The following TFEC variants were observed in gnomAD, a reference collection of about 807,000 sequenced individuals.
TFEC encodes the protein transcription factor EC, also known as class E basic helix-loop-helix protein 34.
In TFEC, 31 loss-of-function variants were observed where a neutral mutation model predicts 41.6. The observed-to-expected ratio is 0.74, with a 90% CI of 0.56 to 1.01. The LOEUF (loss-of-function observed/expected upper bound fraction) is 1.01. TFEC is among the 50% of genes least tolerant of loss of function. The pLI is 0.00. For missense variants in TFEC, 402 were observed against 404.1 expected (o/e 0.99, Z 0.04); for synonymous variants, 143 against 140.6 (o/e 1.02, Z -0.12).
At chr7:116,119,106 T>G (rs1798054073) in intron 1 of TFEC, among the ~76,000 whole-genome samples, 1 of 151,904 alleles carries the variant, frequency 6.6e-6, no homozygotes, top group Admixed American at 6.6e-5. Context: ...CTACCACACA[T>G]TAAGCACTTT....
intron 1 of TFEC, 51 bp downstream of exon 1, chr7:116,030,582 T>A (rs1467309091): frequency 1.3e-5 from 13 of 968,446 alleles, no homozygotes; most frequent in Non-Finnish European, 6.1e-6. Context: ...TAGTTTGTCT[T>A]CCTAGTTTGT....
chr7:116,057,235 GA>G (rs142291766), intron 3 of TFEC, among the ~76,000 whole-genome samples: 3,048 of 152,036 alleles, frequency 0.02, 91 homozygotes, highest in African/African-American at 0.068. Context: ...AAGGGGAACA[GA>G]AAAAAATTGA....
At chr7:116,151,782 T>C (rs1798767325) in intron 1 of TFEC, among the ~76,000 whole-genome samples, 1 of 152,148 alleles carries the variant, frequency 6.6e-6, no homozygotes, top group Non-Finnish European at 1.5e-5. Flanking sequence ...TCAGATAATA[T>C]GAAGTGACAG....
chr7:115,973,642 G>A (rs1349457205), intron 3 of TFEC, among the ~76,000 whole-genome samples: 1 of 151,970 alleles, frequency 6.6e-6, no homozygotes, highest in African/African-American at 2.4e-5. Flanking sequence ...CAACATAGAA[G>A]TCTTTCTACA....
chr7:116,015,940 A>G (rs146694395), intron 1 of TFEC, among the ~76,000 whole-genome samples: 105 of 152,316 alleles, frequency 6.9e-4, no homozygotes, highest in African/African-American at 2.1e-3. Flanking sequence ...GCCAGTTTAG[A>G]AGCCACTGCA....
chr7:116,058,051 C>T (rs550231789), intron 3 of TFEC, among the ~76,000 whole-genome samples: 2 of 151,776 alleles, frequency 1.3e-5, no homozygotes, highest in South Asian at 2.1e-4. Context: ...TCACATTAAA[C>T]GTAAATTATC....
rs1207059742 is a variant in TFEC, at chr7:115,939,192, C to T, written c.*1359G>A. ...CTCATTAACTACCTTAGGAGTAAGA[C>T]CATATCTTTTTCAACTCTTCTACAT... On this transcript the variant is annotated 3_prime_UTR_variant, in exon 8 of 8. Coordinates refer to ENST00000265440, the MANE Select transcript of TFEC (RefSeq NM_012252.4). The T allele has an allele frequency of 6.6e-6, 1 of 151,810 alleles. No individual in the cohort carries two copies. Among genetic ancestry groups the T allele is most frequent in the Non-Finnish European group, 1.5e-5 (1 of 67,918 alleles). The allele number at this position is 151,810 out of a possible 1,614,324, so 9.4% of individuals were successfully genotyped here.
At chr7:116,131,315 G>A (rs1798326655) in intron 1 of TFEC, among the ~76,000 whole-genome samples, 1 of 152,096 alleles carries the variant, frequency 6.6e-6, no homozygotes, top group Non-Finnish European at 1.5e-5. Flanking sequence ...TTTGAACAGG[G>A]CACAAAGACC....
chr7:116,084,525 A>G (rs2131067558), intron 3 of TFEC, among the ~76,000 whole-genome samples: 1 of 152,004 alleles, frequency 6.6e-6, no homozygotes, highest in East Asian at 1.9e-4. Flanking sequence ...TGAACAGAAA[A>G]GATGCAATTT....
chr7:116,076,588 A>G (rs904159959), intron 3 of TFEC, among the ~76,000 whole-genome samples: 32 of 152,100 alleles, frequency 2.1e-4, no homozygotes, highest in African/African-American at 6.8e-4. Context: ...AAGCTATCAC[A>G]ACTTCTGGAA....
In TFEC at chr7:116,127,285, C is replaced by CG. The variant is rs1228087546; in HGVS notation, c.-68-15248dup. Among the ~76,000 whole-genome samples the CG allele has an allele frequency of 2.6e-5, 4 of 151,996 alleles. No homozygotes were observed. In the East Asian group the frequency reaches 7.8e-4, roughly 30 times the overall value. ...TAATTTTTTGTATTTTTAGTAGAGA[C>CG]GGGGTTTCACCATGGTCTTGATCTC... is the stretch of plus-strand genomic sequence containing the variant. On this transcript the variant is annotated intron_variant, in intron 1 of 8. Transcript: ENST00000484212.
chr7:115,951,497 G>T (rs1401253829), intron 5 of TFEC, among the ~76,000 whole-genome samples: 3 of 152,014 alleles, frequency 2.0e-5, no homozygotes, highest in African/African-American at 7.2e-5. Flanking sequence ...AATGTATATT[G>T]ATTAGGCTGT....
rs538893156 is a variant in TFEC at position 115,939,732 on chromosome 7, G to A, written c.*819C>T. The A allele has an allele frequency of 6.6e-6, 1 of 151,976 alleles. No homozygotes were observed. The highest frequency in any genetic ancestry group is 1.5e-5 in the Non-Finnish European group (1 of 67,948). The allele number at this position is 151,976 out of a possible 1,614,324, so 9.4% of individuals were successfully genotyped here. The stretch of plus-strand genomic sequence containing the variant: ...ATTCTGATGCAGTCAGAAGCATGAA[G>A]AAAACAAAAGAACATATACTACCTG... On this transcript the variant is annotated 3_prime_UTR_variant, in exon 8 of 8. Coordinates refer to ENST00000265440, the MANE Select transcript of TFEC (RefSeq NM_012252.4).
At chr7:116,115,653 T>C (rs1797971536) in intron 1 of TFEC, among the ~76,000 whole-genome samples, 2 of 151,988 alleles carry the variant, frequency 1.3e-5, no homozygotes, top group Non-Finnish European at 2.9e-5. Context: ...CTTAATCACA[T>C]ATGCAAGTTT....
intron 1 of TFEC, among the ~76,000 whole-genome samples, chr7:116,027,019 G>A (rs28416283): frequency 0.16 from 23,861 of 152,098 alleles, 2,131 homozygotes; most frequent in East Asian, 0.41. Flanking sequence ...TGAAAATGTT[G>A]CTGACAAACT....
intron 3 of TFEC, among the ~76,000 whole-genome samples, chr7:116,103,308 C>G (rs1343658132): frequency 1.3e-5 from 2 of 152,138 alleles, no homozygotes; most frequent in East Asian, 3.9e-4. Flanking sequence ...CGTTTTCTCT[C>G]TGGTAAGTGT....
chr7:116,103,682 C>T (rs931652698), intron 3 of TFEC, among the ~76,000 whole-genome samples: 1 of 152,098 alleles, frequency 6.6e-6, no homozygotes, highest in Non-Finnish European at 1.5e-5. Context: ...GTTATTCATT[C>T]GGTGGCAGCT....
chr7:116,059,989 G>A (rs906772016), intron 3 of TFEC, among the ~76,000 whole-genome samples: 4 of 151,924 alleles, frequency 2.6e-5, no homozygotes, highest in African/African-American at 9.7e-5. Flanking sequence ...TGACATTAAA[G>A]AAAAGACATC....
At chr7:116,112,118 T>C (rs1451167983) in intron 1 of TFEC, 1 of 754,150 alleles carries the variant, frequency 1.3e-6, no homozygotes, top group African/African-American at 1.9e-5. Flanking sequence ...ACGTTGTACA[T>C]TATTATAAGG....
Sources: allele counts gnomAD v4.1 joint callset (sites outside exome capture counted in the v4.1 genomes callset), GRCh38; gene constraint gnomAD v4.1.1; transcripts MANE v1.5; gene names NCBI Gene and HGNC (gene_info 2026-07-23, HGNC 2026-07-21).